Variants in NTRK3 observed in about 807,000 individuals in gnomAD.
NTRK3 encodes the protein NT-3 growth factor receptor.
Under a neutral mutation model 91.7 loss-of-function variants are expected in NTRK3, and 24 were observed. The ratio of observed to expected loss-of-function variants is 0.26; its 90% confidence interval spans 0.19 to 0.37. The LOEUF is 0.37. Ranked by LOEUF, NTRK3 falls within the 10% of genes least tolerant of loss-of-function variation. NTRK3 has a pLI of 1.00. For synonymous variants in NTRK3, 483 were observed against 404.0 expected (o/e 1.20, Z -2.34); for missense variants, 880 against 1,068.9 (o/e 0.82, Z 2.46).
intron 14 of NTRK3, among the ~76,000 whole-genome samples, 179 bp downstream of exon 14, chr15:88,032,678 C>T (rs907442425): frequency 2.0e-5 from 3 of 152,038 alleles, no homozygotes; most frequent in African/African-American, 2.4e-5. Flanking sequence ...ACTCTGGTCC[C>T]GGGGACTCCT....
intron 5 of NTRK3, among the ~76,000 whole-genome samples, chr15:88,166,159 T>A (rs965338971): frequency 6.6e-6 from 1 of 152,192 alleles, no homozygotes; most frequent in Non-Finnish European, 1.5e-5. Flanking sequence ...GAAAGAATCC[T>A]GTTCCTGCTC....
exon 19 of NTRK3, chr15:87,871,537 C>T (rs769091190): frequency 4.3e-6 from 1 of 230,670 alleles, no homozygotes; most frequent in Non-Finnish European, 8.6e-6. Flanking sequence ...GAAATGACTC[C>T]TGTGTGGTCA....
intron 13 of NTRK3, among the ~76,000 whole-genome samples, chr15:88,125,215 G>C (rs540236280): frequency 6.6e-6 from 1 of 152,162 alleles, no homozygotes; most frequent in Non-Finnish European, 1.5e-5. Flanking sequence ...AGAATATAGC[G>C]AAAGCTATGG....
At chr15:87,931,804 G>A (rs572432733) in intron 16 of NTRK3, among the ~76,000 whole-genome samples, 10 of 152,262 alleles carry the variant, frequency 6.6e-5, no homozygotes, top group African/African-American at 9.6e-5. Flanking sequence ...TCAAAACCAC[G>A]ACACCCTATT....
chr15:88,206,885 C>T (rs1360947907), intron 3 of NTRK3, among the ~76,000 whole-genome samples: 2 of 152,148 alleles, frequency 1.3e-5, no homozygotes, highest in African/African-American at 2.4e-5. Flanking sequence ...GTGCTTCTCC[C>T]TGAGACTGTC....
intron 3 of NTRK3, among the ~76,000 whole-genome samples, chr15:88,206,387 G>A (rs1276051776): frequency 2.1e-5 from 3 of 145,574 alleles, no homozygotes; most frequent in Admixed American, 6.9e-5. Flanking sequence ...GGCCGGGCGC[G>A]GTGGCTCACG....
At chr15:88,085,559 T>C (rs1001967697) in intron 13 of NTRK3, among the ~76,000 whole-genome samples, 1 of 152,126 alleles carries the variant, frequency 6.6e-6, no homozygotes, top group Non-Finnish European at 1.5e-5. Context: ...ACATCAGGAA[T>C]CAGCCAAACC....
rs1369302012 is a variant in NTRK3, at chr15:87,864,828, C to T, written c.*12107G>A. On this transcript the variant is annotated 3_prime_UTR_variant, in exon 19 of 19. Coordinates refer to ENST00000394480, the Ensembl canonical transcript of NTRK3. ...CTCAGCTCAGCACCCAGCAAGACTG[C>T]ATGCAACTGCCCAGAGAGTGGGCTC... The T allele has an allele frequency of 3.1e-5, 7 of 229,194 alleles. No individual in the cohort carries two copies. In the East Asian group the frequency reaches 3.7e-4, roughly 12 times the overall value. The allele number at this position is 229,194 out of a possible 1,614,324, so 14.2% of individuals were successfully genotyped here.
chr15:87,995,230 C>T (rs1018411979), intron 14 of NTRK3, among the ~76,000 whole-genome samples: 2 of 152,146 alleles, frequency 1.3e-5, no homozygotes, highest in African/African-American at 4.8e-5. Flanking sequence ...AAATCTGTGC[C>T]TTAGCCCTCA....
At chr15:87,875,989 C>G (rs769186573) in exon 19 of NTRK3, 2 of 232,484 alleles carry the variant, frequency 8.6e-6, no homozygotes, top group African/African-American at 2.2e-5. Flanking sequence ...CTAAGCTTCC[C>G]AGGGGCCTGA....
At chr15:87,958,638 G>A (rs764616221) in intron 14 of NTRK3, among the ~76,000 whole-genome samples, 6 of 151,720 alleles carry the variant, frequency 4.0e-5, no homozygotes, top group Non-Finnish European at 7.4e-5. Flanking sequence ...TCAATAAATC[G>A]TGTCCACTCA....
chr15:87,979,903 C>T (rs2074065277), intron 14 of NTRK3, among the ~76,000 whole-genome samples: 2 of 152,128 alleles, frequency 1.3e-5, no homozygotes, highest in Admixed American at 1.3e-4. Context: ...AGAACTGACA[C>T]TCTTTAAGGA....
intron 6 of NTRK3, among the ~76,000 whole-genome samples, 161 bp downstream of exon 6, chr15:88,147,174 T>C (rs570267537): frequency 6.6e-6 from 1 of 152,304 alleles, no homozygotes; most frequent in Non-Finnish European, 1.5e-5. Context: ...AAAGGGTTAA[T>C]TGCTCTCACT....
intron 14 of NTRK3, among the ~76,000 whole-genome samples, chr15:88,022,238 C>T (rs1375936639): frequency 6.6e-6 from 1 of 152,174 alleles, no homozygotes; most frequent in Non-Finnish European, 1.5e-5. Context: ...TTCCATGCAA[C>T]TGAATGAATA....
At chr15:87,896,658 A>G (rs1377571801) in intron 17 of NTRK3, among the ~76,000 whole-genome samples, 1 of 151,508 alleles carries the variant, frequency 6.6e-6, no homozygotes, top group African/African-American at 2.4e-5. Flanking sequence ...CCTTAGGGAT[A>G]TATTAGTTTG....
At position 88,237,258 on chromosome 15, in the gene NTRK3, C is replaced by A. The variant is rs1340629110; in HGVS notation, c.248+18648G>T. ...ATGTTCACAGCAAAATTTTCAACTT[C>A]TCTGTATGTTTGAGGATTTGCATAA... is the stretch of plus-strand genomic sequence containing the variant. On this transcript the variant is annotated intron_variant, in intron 3 of 18. Coordinates refer to ENST00000394480, the Ensembl canonical transcript of NTRK3. The surrounding 1 kb of genome is among the most constrained non-coding windows in gnomAD (Gnocchi z 4.0). Among the ~76,000 whole-genome samples, 1 of 152,172 alleles carries A rather than the reference C, an allele frequency of 6.6e-6. No individual in the cohort carries two copies. Among genetic ancestry groups the A allele is most frequent in the Non-Finnish European group, 1.5e-5 (1 of 68,034 alleles).
At chr15:88,156,679 G>A (rs982235203) in intron 5 of NTRK3, among the ~76,000 whole-genome samples, 1 of 152,020 alleles carries the variant, frequency 6.6e-6, no homozygotes, top group African/African-American at 2.4e-5. Flanking sequence ...CTTTCCCTCC[G>A]CTTTCTCCCA....
chr15:88,199,701 G>A (rs1226276014), intron 3 of NTRK3, among the ~76,000 whole-genome samples: 1 of 152,226 alleles, frequency 6.6e-6, no homozygotes, highest in African/African-American at 2.4e-5. Context: ...CAAGGTCAAA[G>A]TGGTGTCTGT....
exon 19 of NTRK3, chr15:87,876,716 A>AATATATAT (rs147238996): frequency 1.0e-5 from 2 of 193,478 alleles, no homozygotes; most frequent in Non-Finnish European, 1.0e-5. Context: ...TAGATATATA[A>AATATATAT]ATATATATAT....
Sources: gnomAD v4.1 joint callset for allele counts (sites outside exome capture counted in the v4.1 genomes callset) on GRCh38, gnomAD v4.1.1 for gene constraint, Gnocchi (gnomAD v3.1) non-coding constraint, MANE v1.5 for transcripts, NCBI Gene and HGNC (gene_info 2026-07-23, HGNC 2026-07-21) for gene names.